The following ADARB2 variants were observed in gnomAD, a reference collection of about 807,000 sequenced individuals.
ADARB2 encodes adenosine deaminase RNA specific B2 (inactive), also known as inactive double-stranded RNA-specific editase B2.
Under a neutral mutation model 62.2 loss-of-function variants are expected in ADARB2, and 25 were observed. The observed-to-expected ratio is 0.40, with a 90% CI of 0.29 to 0.56. The LOEUF is 0.56. ADARB2 is among the 20% of genes least tolerant of loss of function. The probability of loss-of-function intolerance (pLI) is 0.43; values close to 1 mark genes in which losing one functional copy is unlikely to be tolerated. For missense variants in ADARB2, 1,071 were observed against 1,077.4 expected (o/e 0.99, Z 0.08); for synonymous variants, 572 against 500.8 (o/e 1.14, Z -1.90).
rs1564257857 is a variant in ADARB2, at chr10:1,326,840, G to GGCCCAGCGCCTCCCCACT, written c.1077+36170_1077+36187dup. Among the ~76,000 whole-genome samples the GGCCCAGCGCCTCCCCACT allele has an allele frequency of 1.8e-4, 4 of 22,348 alleles. 1 individual carries two copies. The highest frequency in any genetic ancestry group is 3.0e-4 in the Non-Finnish European group (3 of 9,898). 14.7% of individuals were successfully genotyped at this position (22,348 alleles called of 152,430 possible). ...TCCCCACGGCCCAGCGCCTCCCCAC[G>GGCCCAGCGCCTCCCCACT]GCCCAGCGCCTCCCCACTGCCCAGC... On this transcript the variant is annotated intron_variant, in intron 3 of 9. Coordinates refer to ENST00000381312, the MANE Select transcript of ADARB2 (RefSeq NM_018702.4).
At chr10:1,630,845 C>T (rs1047762514) in intron 1 of ADARB2, among the ~76,000 whole-genome samples, 1 of 152,030 alleles carries the variant, frequency 6.6e-6, no homozygotes, top group Admixed American at 6.6e-5. Flanking sequence ...GTCCCAGATA[C>T]TCAGGAGGCT....
chr10:1,575,375 G>T (rs535795328), intron 1 of ADARB2, among the ~76,000 whole-genome samples: 3 of 152,236 alleles, frequency 2.0e-5, no homozygotes, highest in African/African-American at 7.2e-5. Flanking sequence ...ATTTTTCTGG[G>T]AGGGAAATGC....
chr10:1,211,921 G>A (rs950840176), intron 7 of ADARB2, among the ~76,000 whole-genome samples: 11 of 152,180 alleles, frequency 7.2e-5, no homozygotes, highest in African/African-American at 2.4e-4. Context: ...TTTTAATAAT[G>A]ACTTATTTGA....
chr10:1,629,019 T>A (rs1408311248), intron 1 of ADARB2, among the ~76,000 whole-genome samples: 2 of 152,126 alleles, frequency 1.3e-5, no homozygotes, highest in South Asian at 2.1e-4. Flanking sequence ...GAGACATTGA[T>A]GAGAAGACAG....
intron 3 of ADARB2, among the ~76,000 whole-genome samples, chr10:1,337,631 G>A (rs1806095116): frequency 6.6e-6 from 1 of 152,018 alleles, no homozygotes; most frequent in South Asian, 2.1e-4. Flanking sequence ...CCCTCCCACC[G>A]AGGCCTCATA....
chr10:1,495,798 T>A (rs1312618901), intron 1 of ADARB2, among the ~76,000 whole-genome samples: 2 of 151,932 alleles, frequency 1.3e-5, no homozygotes, highest in Admixed American at 6.6e-5. Flanking sequence ...ATAAACATCA[T>A]CACCATCATC....
Position 1,344,490 on chromosome 10 carries a change from T to C in ADARB2, c.1077+18538A>G, listed in dbSNP as rs569950834. Among the ~76,000 whole-genome samples the C allele has an allele frequency of 2.0e-5, 3 of 152,234 alleles. No homozygotes were observed. The East Asian group carries it at 5.8e-4, about 29-fold the overall frequency. On this transcript the variant is annotated intron_variant, in intron 3 of 9. Transcript: ENST00000381312. ...ACAGAGGGAAGGTAAAAGGCAAGAA[T>C]TGTCACAAAGCATAAATGGGCGCTG...
At chr10:1,694,665 A>C (rs891210839) in intron 1 of ADARB2, among the ~76,000 whole-genome samples, 1 of 152,258 alleles carries the variant, frequency 6.6e-6, no homozygotes, top group Non-Finnish European at 1.5e-5. Flanking sequence ...AATCCTATTG[A>C]AGAGATTTTG....
intron 1 of ADARB2, among the ~76,000 whole-genome samples, chr10:1,429,181 A>G (rs776344988): frequency 8.5e-5 from 13 of 152,236 alleles, no homozygotes; most frequent in Non-Finnish European, 1.8e-4. Flanking sequence ...TGCCTCTTAC[A>G]ATGGCATGTG....
intron 5 of ADARB2, 133 bp downstream of exon 5, chr10:1,241,998 G>C: frequency 1.0e-6 from 1 of 978,074 alleles, no homozygotes; most frequent in South Asian, 1.7e-5. Context: ...GAATAAAAAG[G>C]GATGCTTTCT....
At position 1,404,744 on chromosome 10, in the gene ADARB2, G is replaced by A. The variant is rs567918872; in HGVS notation, c.101-25584C>T. Among the ~76,000 whole-genome samples the A allele has an allele frequency of 2.3e-4, 35 of 152,266 alleles. No homozygotes were observed. The South Asian group carries it at 3.1e-3, about 14-fold the overall frequency. On this transcript the variant is annotated intron_variant, in intron 1 of 9. Transcript: ENST00000381312. ...GTTTGACCGGCCAACAGTGACATTCGTGGACCCAAAGGACCCTGGACAGAC... is the reference window on the plus strand; with the variant it reads ...GTTTGACCGGCCAACAGTGACATTCATGGACCCAAAGGACCCTGGACAGAC...
intron 1 of ADARB2, among the ~76,000 whole-genome samples, chr10:1,661,763 G>A (rs1037718534): frequency 6.6e-6 from 1 of 152,182 alleles, no homozygotes; most frequent in African/African-American, 2.4e-5. Flanking sequence ...CACTCCCATT[G>A]CACAGACAGA....
rs10794788 is a variant in ADARB2, at chr10:1,699,246, T to G, written c.100+37805A>C. 5.9e-4 allele frequency among the ~76,000 whole-genome samples: 42 copies of G among 70,846 alleles called. 1 individual carries two copies. Among genetic ancestry groups the G allele is most frequent in the South Asian group, 9.6e-4 (2 of 2,078 alleles). 46.5% of individuals were successfully genotyped at this position (70,846 alleles called of 152,430 possible). A position where few individuals can be genotyped will look rare whatever the true frequency, so the allele number is the denominator to read the frequency against. On this transcript the variant is annotated intron_variant, in intron 1 of 9. Coordinates refer to ENST00000381312, the MANE Select transcript of ADARB2 (RefSeq NM_018702.4). The stretch of plus-strand genomic sequence containing the variant: ...GGAGACCAGGCGCTCGCCAATACAC[T>G]CAATCCCACTCCACCGGGAGACCGG...
chr10:1,607,016 CA>C (rs1469327833), intron 1 of ADARB2, among the ~76,000 whole-genome samples: 2 of 152,106 alleles, frequency 1.3e-5, no homozygotes, highest in African/African-American at 4.8e-5. Context: ...GGATTTTTAA[CA>C]ACAACAAAAA....
At chr10:1,511,707 T>C (rs1460853618) in intron 1 of ADARB2, among the ~76,000 whole-genome samples, 2 of 151,728 alleles carry the variant, frequency 1.3e-5, no homozygotes, top group Non-Finnish European at 2.9e-5. Flanking sequence ...CTGTCCACAC[T>C]AGATACCAAG....
intron 1 of ADARB2, among the ~76,000 whole-genome samples, chr10:1,664,749 G>A (rs903880052): frequency 3.3e-5 from 5 of 152,182 alleles, no homozygotes; most frequent in South Asian, 4.1e-4. Context: ...CAAGGGGAAC[G>A]TGGGACTCCC....
chr10:1,705,276 T>G (rs1236358975), intron 1 of ADARB2, among the ~76,000 whole-genome samples: 1 of 152,166 alleles, frequency 6.6e-6, no homozygotes, highest in African/African-American at 2.4e-5. Context: ...GCATTCTACA[T>G]GGTGCCTCTG....
chr10:1,232,543 A>ATG (rs1363851920), intron 6 of ADARB2, among the ~76,000 whole-genome samples: 2 of 143,138 alleles, frequency 1.4e-5, no homozygotes, highest in South Asian at 4.5e-4. Flanking sequence ...TATATGTGGT[A>ATG]TGTGTGTGTG....
At chr10:1,379,004 G>T in intron 2 of ADARB2, 70 bp downstream of exon 2, 1 of 1,344,190 alleles carries the variant, frequency 7.4e-7, no homozygotes, top group Non-Finnish European at 1.1e-6. Context: ...CAGGTTTTGG[G>T]GACTGCAGGG....
Sources: gnomAD v4.1 joint callset for allele counts (sites outside exome capture counted in the v4.1 genomes callset) on GRCh38, gnomAD v4.1.1 for gene constraint, MANE v1.5 for transcripts, NCBI Gene and HGNC (gene_info 2026-07-23, HGNC 2026-07-21) for gene names.